Variants in RBFOX1 observed in about 807,000 individuals in gnomAD.
RBFOX1 encodes the protein RNA binding protein fox-1 homolog 1.
RBFOX1 carries 8 observed loss-of-function variants against 57.7 expected under a neutral mutation model. That is an observed-to-expected ratio of 0.14 (90% CI 0.08 to 0.25). The LOEUF is 0.25. Among genes scored for constraint, RBFOX1 ranks in the 10% least tolerant of loss-of-function variants. The pLI, the probability that RBFOX1 is intolerant of heterozygous loss-of-function variation, is 1.00. For missense variants in RBFOX1, 611 were observed against 548.5 expected (o/e 1.11, Z -1.14); for synonymous variants, 326 against 222.4 (o/e 1.47, Z -4.15).
At chr16:7,188,412 C>G (rs1247118104) in intron 4 of RBFOX1, among the ~76,000 whole-genome samples, 1 of 152,148 alleles carries the variant, frequency 6.6e-6, no homozygotes, top group African/African-American at 2.4e-5. Context: ...ATTTGCATTG[C>G]AGTTAGTTTC....
At chr16:5,253,620 C>A (rs983636071) in intron 1 of RBFOX1, among the ~76,000 whole-genome samples, 1 of 152,200 alleles carries the variant, frequency 6.6e-6, no homozygotes, top group Non-Finnish European at 1.5e-5. Context: ...GAAATACCAC[C>A]AATGAGCCTC....
At chr16:7,648,110 C>A (rs1226802186) in intron 11 of RBFOX1, among the ~76,000 whole-genome samples, 4 of 152,140 alleles carry the variant, frequency 2.6e-5, no homozygotes, top group Non-Finnish European at 4.4e-5. Context: ...GTGTGGCAAA[C>A]AGTTGTGTGT....
At chr16:5,564,842 C>T (rs533758312) in intron 2 of RBFOX1, among the ~76,000 whole-genome samples, 7 of 152,278 alleles carry the variant, frequency 4.6e-5, no homozygotes, top group African/African-American at 1.4e-4. Context: ...ATGCCATCAT[C>T]GTGGCTGGGC....
At chr16:6,342,065 T>A (rs558256513) in intron 2 of RBFOX1, among the ~76,000 whole-genome samples, 6 of 152,198 alleles carry the variant, frequency 3.9e-5, no homozygotes, top group African/African-American at 1.4e-4. Context: ...TTATTCTGCC[T>A]AGCACAGGGC....
chr16:6,325,716 G>A (rs372013512), intron 2 of RBFOX1, among the ~76,000 whole-genome samples: 205 of 152,248 alleles, frequency 1.3e-3, no homozygotes, highest in African/African-American at 4.4e-3. Context: ...ACAGGAATTT[G>A]GTTTTTCCAA....
chr16:7,382,655 A>C (rs958289736), intron 4 of RBFOX1, among the ~76,000 whole-genome samples: 9 of 152,244 alleles, frequency 5.9e-5, no homozygotes, highest in African/African-American at 2.2e-4. Context: ...AAGGAATTAA[A>C]ATCTGTGTCC....
At chr16:7,451,625 G>A (rs1480634967) in intron 4 of RBFOX1, among the ~76,000 whole-genome samples, 1 of 152,144 alleles carries the variant, frequency 6.6e-6, no homozygotes, top group African/African-American at 2.4e-5. Flanking sequence ...ATTGGACTAT[G>A]CTAACATTTT....
intron 6 of RBFOX1, among the ~76,000 whole-genome samples, chr16:7,582,277 A>G (rs769933139): frequency 1.3e-5 from 2 of 152,298 alleles, no homozygotes; most frequent in Admixed American, 6.5e-5. Context: ...AGAACACACC[A>G]TGCATTTAGT....
At chr16:7,202,394 A>G (rs1006620998) in intron 4 of RBFOX1, among the ~76,000 whole-genome samples, 1 of 152,264 alleles carries the variant, frequency 6.6e-6, no homozygotes, top group Middle Eastern at 3.4e-3. Flanking sequence ...GTAAAATAGT[A>G]CAGGTGCTGT....
At chr16:6,152,999 G>A (rs918160801) in intron 1 of RBFOX1, among the ~76,000 whole-genome samples, 2 of 149,966 alleles carry the variant, frequency 1.3e-5, no homozygotes, top group Middle Eastern at 3.3e-3. Flanking sequence ...ATGACTATTG[G>A]ATATCTCTCT....
chr16:5,563,996 G>A (rs1948951), intron 2 of RBFOX1, among the ~76,000 whole-genome samples: 106,857 of 151,956 alleles, frequency 0.7, 37,783 homozygotes, highest in South Asian at 0.82. Context: ...TACTCAGTGT[G>A]TAGGAGAGAG....
intron 3 of RBFOX1, among the ~76,000 whole-genome samples, chr16:6,906,970 C>A (rs915282705): frequency 1.3e-4 from 20 of 152,048 alleles, no homozygotes; most frequent in African/African-American, 4.3e-4. Context: ...GTGATCAGCC[C>A]ACCTCAGCTT....
chr16:7,219,644 T>G (rs1256249255), intron 4 of RBFOX1, among the ~76,000 whole-genome samples: 1 of 152,186 alleles, frequency 6.6e-6, no homozygotes, highest in Non-Finnish European at 1.5e-5. Context: ...ATTGTTTTTG[T>G]CAAACTCGGA....
At chr16:6,698,818 T>C (rs1455064550) in intron 3 of RBFOX1, among the ~76,000 whole-genome samples, 2 of 152,194 alleles carry the variant, frequency 1.3e-5, no homozygotes, top group South Asian at 2.1e-4. Flanking sequence ...GAATCCCTTA[T>C]AGTGATATGG....
intron 3 of RBFOX1, among the ~76,000 whole-genome samples, chr16:6,716,483 T>C (rs1006533091): frequency 1.3e-5 from 2 of 152,238 alleles, no homozygotes; most frequent in African/African-American, 4.8e-5. Flanking sequence ...GCTAAATCTG[T>C]TATTACCTGC....
chr16:7,273,683 A>G (rs757445528), intron 4 of RBFOX1, among the ~76,000 whole-genome samples: 17 of 152,232 alleles, frequency 1.1e-4, no homozygotes, highest in Admixed American at 5.9e-4. Context: ...TTCTGATGAA[A>G]GATGGACCTT....
intron 3 of RBFOX1, among the ~76,000 whole-genome samples, chr16:5,664,448 T>C (rs1334262416): frequency 1.3e-5 from 2 of 151,958 alleles, no homozygotes; most frequent in Non-Finnish European, 2.9e-5. Context: ...CTCGGGAGGC[T>C]GAGGCAGACA....
At chr16:7,603,878 T>C (rs1054257990) in intron 9 of RBFOX1, among the ~76,000 whole-genome samples, 3 of 152,090 alleles carry the variant, frequency 2.0e-5, no homozygotes, top group Non-Finnish European at 4.4e-5. Flanking sequence ...AAGCTGATGT[T>C]TTTTTTAAAA....
chr16:5,960,848 C>G (rs759039568), intron 4 of RBFOX1, among the ~76,000 whole-genome samples: 2 of 152,174 alleles, frequency 1.3e-5, no homozygotes, highest in Non-Finnish European at 2.9e-5. Flanking sequence ...ACAGGATTTC[C>G]TGGAACATGA....
Sources: gnomAD v4.1 joint callset for allele counts (sites outside exome capture counted in the v4.1 genomes callset) on GRCh38, gnomAD v4.1.1 for gene constraint, MANE v1.5 for transcripts, NCBI Gene and HGNC (gene_info 2026-07-23, HGNC 2026-07-21) for gene names.